The following UQCC1 variants were observed in gnomAD, a reference collection of about 807,000 sequenced individuals.
UQCC1 encodes bFGF-repressed Zic-binding protein.
Under a neutral mutation model 48.0 loss-of-function variants are expected in UQCC1, and 38 were observed. The ratio of observed to expected loss-of-function variants is 0.79; its 90% CI spans 0.61 to 1.04. UQCC1 has a LOEUF of 1.04. Among genes scored for constraint, UQCC1 ranks in the 50% least tolerant of loss-of-function variants. The pLI is 0.00. For synonymous variants in UQCC1, 111 were observed against 129.2 expected (o/e 0.86, Z 0.95); for missense variants, 368 against 381.8 (o/e 0.96, Z 0.30).
intron 2 of UQCC1, among the ~76,000 whole-genome samples, chr20:35,387,416 G>A (rs2061958169): frequency 6.6e-6 from 1 of 152,126 alleles, no homozygotes; most frequent in African/African-American, 2.4e-5. Context: ...GCAACTATAA[G>A]CTCCAGGGCA....
At chr20:35,400,007 C>T (rs142845799) in intron 1 of UQCC1, among the ~76,000 whole-genome samples, 204 of 145,662 alleles carry the variant, frequency 1.4e-3, no homozygotes, top group African/African-American at 4.8e-3. Flanking sequence ...CTCACCGCAA[C>T]CTTCACCTCC....
At chr20:35,318,102 A>C (rs970259535) in intron 7 of UQCC1, among the ~76,000 whole-genome samples, 12 of 152,238 alleles carry the variant, frequency 7.9e-5, no homozygotes, top group African/African-American at 2.9e-4. Context: ...GGATGATATC[A>C]GAGGTGTCAA....
At chr20:35,312,262 G>C (rs2061002780) in intron 8 of UQCC1, among the ~76,000 whole-genome samples, 1 of 152,112 alleles carries the variant, frequency 6.6e-6, no homozygotes, top group African/African-American at 2.4e-5. Flanking sequence ...ACCCCCGAAA[G>C]CTCATGTTAA....
At chr20:35,380,918 T>C (rs1479456608) in intron 4 of UQCC1, among the ~76,000 whole-genome samples, 2 of 152,232 alleles carry the variant, frequency 1.3e-5, no homozygotes, top group Non-Finnish European at 2.9e-5. Context: ...CCAGTGAGCA[T>C]TTCCCTGGGG....
At chr20:35,339,543 T>C (rs2061355377) in intron 7 of UQCC1, among the ~76,000 whole-genome samples, 1 of 152,158 alleles carries the variant, frequency 6.6e-6, no homozygotes, top group South Asian at 2.1e-4. Context: ...AAGTCTGGCA[T>C]GAGAAGAATA....
intron 7 of UQCC1, among the ~76,000 whole-genome samples, chr20:35,328,920 G>T (rs1414085428): frequency 6.6e-6 from 1 of 152,180 alleles, no homozygotes; most frequent in Non-Finnish European, 1.5e-5. Flanking sequence ...GCATAAACTA[G>T]ATTGTAAGCC....
intron 8 of UQCC1, among the ~76,000 whole-genome samples, chr20:35,309,658 C>T (rs955516635): frequency 6.6e-6 from 1 of 152,128 alleles, no homozygotes; most frequent in Non-Finnish European, 1.5e-5. Context: ...TCCCTCGTGA[C>T]ACAATGAAGC....
intron 2 of UQCC1, among the ~76,000 whole-genome samples, chr20:35,390,585 G>A (rs1047783899): frequency 1.3e-5 from 2 of 151,840 alleles, no homozygotes; most frequent in Non-Finnish European, 1.5e-5. Context: ...CACTTATAAT[G>A]GTTATGACAA....
chr20:35,357,049 C>T (rs887315318), intron 6 of UQCC1, among the ~76,000 whole-genome samples: 51 of 152,304 alleles, frequency 3.3e-4, no homozygotes, highest in African/African-American at 6.5e-4. Flanking sequence ...TCAGGACATC[C>T]TGAATCATTC....
intron 7 of UQCC1, 153 bp downstream of exon 7, chr20:35,347,011 G>A (rs1249242990): frequency 1.9e-5 from 30 of 1,568,514 alleles, no homozygotes; most frequent in Non-Finnish European, 2.5e-5. Flanking sequence ...TTTCCACAGA[G>A]GCAGAAAAAG....
chr20:35,362,326 G>A (rs762983898), intron 6 of UQCC1, among the ~76,000 whole-genome samples: 1 of 152,124 alleles, frequency 6.6e-6, no homozygotes, highest in African/African-American at 2.4e-5. Context: ...GGTCACATTT[G>A]ATCAGATGTG....
intron 2 of UQCC1, among the ~76,000 whole-genome samples, chr20:35,389,795 A>G (rs934407449): frequency 2.0e-5 from 3 of 152,224 alleles, no homozygotes; most frequent in Admixed American, 1.3e-4. Context: ...CATCAATGCA[A>G]TTATCATATA....
intron 4 of UQCC1, among the ~76,000 whole-genome samples, chr20:35,377,900 A>G (rs1243962110): frequency 6.6e-6 from 1 of 152,222 alleles, no homozygotes; most frequent in African/African-American, 2.4e-5. Flanking sequence ...TGCTATGGCA[A>G]TCAGGAGCAT....
chr20:35,340,335 A>G (rs1372354089), intron 7 of UQCC1, among the ~76,000 whole-genome samples: 1 of 152,214 alleles, frequency 6.6e-6, no homozygotes, highest in Non-Finnish European at 1.5e-5. Flanking sequence ...GCCAATCCCA[A>G]AATGGAATTA....
intron 2 of UQCC1, among the ~76,000 whole-genome samples, chr20:35,391,115 G>C (rs1322117830): frequency 6.6e-6 from 1 of 151,922 alleles, no homozygotes; most frequent in Non-Finnish European, 1.5e-5. Flanking sequence ...ACAATCACTT[G>C]AACAGGAGGC....
intron 7 of UQCC1, among the ~76,000 whole-genome samples, chr20:35,318,900 G>C (rs6060368): frequency 6.6e-6 from 1 of 152,140 alleles, no homozygotes; most frequent in Non-Finnish European, 1.5e-5. Flanking sequence ...CTGGTGTGCA[G>C]GTTCCCCACC....
At chr20:35,325,746 T>C (rs1291727287) in intron 7 of UQCC1, among the ~76,000 whole-genome samples, 1 of 152,080 alleles carries the variant, frequency 6.6e-6, no homozygotes, top group East Asian at 1.9e-4. Context: ...CAACATTTAT[T>C]ACAGTGGGTA....
chr20:35,346,839 A>T (rs1388235968), intron 7 of UQCC1: 1 of 715,234 alleles, frequency 1.4e-6, no homozygotes, highest in East Asian at 2.8e-5. Context: ...TCAAAGGTAT[A>T]GTATCCTTAA....
intron 1 of UQCC1, among the ~76,000 whole-genome samples, chr20:35,408,652 G>A (rs140736915): frequency 6.5e-4 from 98 of 151,564 alleles, no homozygotes; most frequent in African/African-American, 2.3e-3. Flanking sequence ...AGGAGTTCAA[G>A]GCCAGCCTGG....
Sources: gnomAD v4.1 joint callset for allele counts (sites outside exome capture counted in the v4.1 genomes callset) on GRCh38, gnomAD v4.1.1 for gene constraint, MANE v1.5 for transcripts, NCBI Gene and HGNC (gene_info 2026-07-23, HGNC 2026-07-21) for gene names.